The following PPP6R3 variants were observed in gnomAD, a reference collection of about 807,000 sequenced individuals.
PPP6R3 encodes the protein serine/threonine-protein phosphatase 6 regulatory subunit 3.
A neutral mutation model predicts 110.7 loss-of-function variants in PPP6R3; 38 were observed. That is an observed-to-expected ratio of 0.34 (90% CI 0.26 to 0.45). The LOEUF (loss-of-function observed/expected upper bound fraction) is 0.45, where lower values mean the gene tolerates loss of function less well. Among genes scored for constraint, PPP6R3 ranks in the 20% least tolerant of loss-of-function variants. The pLI is 1.00. For synonymous variants in PPP6R3, 369 were observed against 373.5 expected, an observed-to-expected ratio of 0.99 and a Z score of 0.14; for missense variants, 870 against 1,062.4, an observed-to-expected ratio of 0.82 and a Z score of 2.52.
intron 22 of PPP6R3, among the ~76,000 whole-genome samples, chr11:68,604,512 A>C (rs2153953163): frequency 6.6e-6 from 1 of 152,372 alleles, no homozygotes; most frequent in East Asian, 1.9e-4. Context: ...AGTGGGACCT[A>C]CAGTTGCTAT....
At chr11:68,518,983 C>T (rs2099150631) in intron 1 of PPP6R3, among the ~76,000 whole-genome samples, 1 of 152,104 alleles carries the variant, frequency 6.6e-6, no homozygotes, top group Admixed American at 6.5e-5. Context: ...CTATTCTTTT[C>T]ATGTGCAGTG....
At chr11:68,492,651 C>T (rs891927616) in intron 1 of PPP6R3, among the ~76,000 whole-genome samples, 4 of 152,184 alleles carry the variant, frequency 2.6e-5, no homozygotes, top group South Asian at 2.1e-4. Context: ...ATGGCTAGAT[C>T]ATATGGCAGT....
chr11:68,571,894 C>T (rs1010778166), intron 12 of PPP6R3, among the ~76,000 whole-genome samples: 1 of 152,112 alleles, frequency 6.6e-6, no homozygotes, highest in Non-Finnish European at 1.5e-5. Context: ...TCTGTCACCC[C>T]CAAAATTTCT....
At chr11:68,537,520 A>G (rs565439899) in intron 2 of PPP6R3, 139 bp from the exon 3 acceptor site, 25 of 559,930 alleles carry the variant, frequency 4.5e-5, no homozygotes, top group African/African-American at 4.4e-4. Flanking sequence ...AAAGTATTTT[A>G]TAGGTTCAGT....
rs573036594 is a variant in PPP6R3, at chr11:68,582,998, A to G, written c.1546-45A>G. 1.6e-4 allele frequency: 216 copies of G among 1,335,284 alleles called. 1 individual carries two copies. Among genetic ancestry groups the G allele is most frequent in the Middle Eastern group, 1.4e-3 (7 of 4,876 alleles). 82.7% of individuals were successfully genotyped at this position (1,335,284 alleles called of 1,614,324 possible). The stretch of plus-strand genomic sequence containing the variant: ...ATAAAAATGCTGATACAAATGTCCA[A>G]AACTTTTCTATGTTAAATAGTCTTT... On this transcript the variant is annotated intron_variant, in intron 14 of 23. Coordinates refer to ENST00000393800, the MANE Select transcript of PPP6R3 (RefSeq NM_001164161.2).
intron 1 of PPP6R3, among the ~76,000 whole-genome samples, chr11:68,510,662 A>T (rs1258451028): frequency 6.6e-6 from 1 of 152,116 alleles, no homozygotes; most frequent in Non-Finnish European, 1.5e-5. Flanking sequence ...TTTTCTTTAA[A>T]CTAAAGCTTT....
In PPP6R3 at chr11:68,493,349, T is replaced by A. The variant is rs1027188790; in HGVS notation, c.-157-26152T>A. Among the ~76,000 whole-genome samples, 6 of 152,176 alleles carry A rather than the reference T, an allele frequency of 3.9e-5. No homozygotes were observed. The South Asian group carries it at 1.2e-3, about 32-fold the overall frequency. On this transcript the variant is annotated intron_variant, in intron 1 of 23. Coordinates refer to ENST00000393800, the MANE Select transcript of PPP6R3 (RefSeq NM_001164161.2). Reference sequence around the variant, plus strand: ...CATGTCTAGCCATTATCACTATTATTCTTTGTATAAATAATTTCTCCCTCT... The same window carrying A: ...CATGTCTAGCCATTATCACTATTATACTTTGTATAAATAATTTCTCCCTCT...
At chr11:68,590,521 G>A (rs1307915481) in intron 16 of PPP6R3, 139 bp from the exon 17 acceptor site, 1 of 941,264 alleles carries the variant, frequency 1.1e-6, no homozygotes, top group Non-Finnish European at 1.5e-6. Flanking sequence ...AATATAAGAA[G>A]GTTGTTTCTG....
intron 2 of PPP6R3, among the ~76,000 whole-genome samples, chr11:68,531,912 G>A (rs564766168): frequency 2.0e-5 from 3 of 152,312 alleles, no homozygotes; most frequent in African/African-American, 7.2e-5. Context: ...AAGAGGTTGA[G>A]AGGATTTGTA....
At chr11:68,499,114 T>G (rs1476825604) in intron 1 of PPP6R3, among the ~76,000 whole-genome samples, 1 of 152,214 alleles carries the variant, frequency 6.6e-6, no homozygotes, top group Non-Finnish European at 1.5e-5. Flanking sequence ...TTTTTTTCTA[T>G]TATCTTTTTT....
chr11:68,560,933 G>C (rs1052260289), intron 8 of PPP6R3, among the ~76,000 whole-genome samples: 3 of 119,860 alleles, frequency 2.5e-5, no homozygotes, highest in African/African-American at 9.6e-5. Context: ...GTCTCGTTCT[G>C]TCACCCAGGC....
At chr11:68,487,736 TGTGGTCTGAG>T (rs2098957321) in intron 1 of PPP6R3, among the ~76,000 whole-genome samples, 1 of 152,212 alleles carries the variant, frequency 6.6e-6, no homozygotes, top group African/African-American at 2.4e-5. Flanking sequence ...TTAATTTCAT[TGTGGTCTGAG>T]AGTACATTGT....
intron 1 of PPP6R3, among the ~76,000 whole-genome samples, chr11:68,478,647 G>GTTTTTTTTTTT (rs769296530): frequency 0.038 from 1,928 of 50,510 alleles, 711 homozygotes; most frequent in Admixed American, 0.11. Context: ...CACTTGGTAA[G>GTTTTTTTTTTT]TTTTTTTTTT....
At chr11:68,463,971 A>G (rs1487905551) in intron 1 of PPP6R3, among the ~76,000 whole-genome samples, 1 of 152,188 alleles carries the variant, frequency 6.6e-6, no homozygotes, top group African/African-American at 2.4e-5. Flanking sequence ...GCCCGCCAGC[A>G]AAAGTATCCA....
At chr11:68,465,821 A>T (rs2153225039) in intron 1 of PPP6R3, among the ~76,000 whole-genome samples, 1 of 152,296 alleles carries the variant, frequency 6.6e-6, no homozygotes, top group Middle Eastern at 3.4e-3. Context: ...GATTTGTTTA[A>T]ACTTTGGGTG....
At chr11:68,509,491 C>G (rs971057010) in intron 1 of PPP6R3, among the ~76,000 whole-genome samples, 2 of 91,868 alleles carry the variant, frequency 2.2e-5, no homozygotes, top group Middle Eastern at 0.016. Context: ...TTTTTTTTTA[C>G]CAAGTCCTGC....
chr11:68,513,307 G>A (rs962197997), intron 1 of PPP6R3, among the ~76,000 whole-genome samples: 2 of 152,076 alleles, frequency 1.3e-5, no homozygotes, highest in African/African-American at 4.8e-5. Flanking sequence ...TACAAATCTG[G>A]TATTGGGGAA....
At chr11:68,596,483 C>T (rs1196183991) in intron 19 of PPP6R3, among the ~76,000 whole-genome samples, 2 of 152,142 alleles carry the variant, frequency 1.3e-5, no homozygotes, top group East Asian at 3.9e-4. Flanking sequence ...GAGGACAGAG[C>T]CCACTGCTAG....
chr11:68,615,180 C>T lies in PPP6R3; in HGVS notation c.*2063C>T. The T allele has an allele frequency of 2.3e-6, 1 of 441,280 alleles. No homozygotes were observed. Among genetic ancestry groups the T allele is most frequent in the Admixed American group, 2.4e-5 (1 of 41,732 alleles). 27.3% of individuals were successfully genotyped at this position (441,280 alleles called of 1,614,324 possible). A position where few individuals can be genotyped will look rare whatever the true frequency, so the allele number is the denominator to read the frequency against. On this transcript the variant is annotated 3_prime_UTR_variant, in exon 24 of 24. Coordinates refer to ENST00000393800, the MANE Select transcript of PPP6R3 (RefSeq NM_001164161.2). The stretch of plus-strand genomic sequence containing the variant: ...ACAGTTCTTTTGGAGGTTGGAGGGG[C>T]CAAGCCAAGGACAGGAGCAAGTGTG...
Sources: gnomAD v4.1 joint callset for allele counts (sites outside exome capture counted in the v4.1 genomes callset) on GRCh38, gnomAD v4.1.1 for gene constraint, MANE v1.5 for transcripts, NCBI Gene and HGNC (gene_info 2026-07-23, HGNC 2026-07-21) for gene names.